CAST: variants seen among roughly 807,000 people sequenced by gnomAD.
CAST encodes calpastatin.
Under a neutral mutation model 119.6 loss-of-function variants are expected in CAST, and 76 were observed. The observed-to-expected ratio is 0.64, with a 90% CI of 0.53 to 0.77. The LOEUF is 0.77. Ranked by LOEUF, CAST falls within the 30% of genes least tolerant of loss-of-function variation. The probability of loss-of-function intolerance (pLI) is 0.00; values close to 1 mark genes in which losing one functional copy is unlikely to be tolerated. For synonymous variants in CAST, 319 were observed against 331.6 expected, an observed-to-expected ratio of 0.96 and a Z score of 0.41; for missense variants, 953 against 946.5, an observed-to-expected ratio of 1.01 and a Z score of -0.09.
the CAST span, among the ~76,000 whole-genome samples, chr5:96,235,152 C>G: frequency 6.6e-6 from 1 of 152,130 alleles, no homozygotes; most frequent in African/African-American, 2.4e-5. Context: ...TGGTGGACCC[C>G]AGGAGAGCTT....
the CAST span, chr5:96,423,208 GGGA>G: frequency 8.9e-7 from 1 of 1,119,346 alleles, no homozygotes; most frequent in Non-Finnish European, 1.3e-6. Flanking sequence ...CATAATCCCA[GGGA>G]CTGACACCAG....
chr5:96,519,561 A>G, the CAST span, among the ~76,000 whole-genome samples: 3 of 152,328 alleles, frequency 2.0e-5, no homozygotes, highest in South Asian at 2.1e-4. Context: ...TAGCAAATGC[A>G]TAGAATTTCA....
At chr5:96,060,261 A>G in the CAST span, among the ~76,000 whole-genome samples, 1 of 152,082 alleles carries the variant, frequency 6.6e-6, no homozygotes, top group Admixed American at 6.6e-5. Context: ...CACCACCTGG[A>G]TTTTCTGTAG....
chr5:96,721,068 T>C (rs1412469507), intron 3 of CAST, among the ~76,000 whole-genome samples: 2 of 152,202 alleles, frequency 1.3e-5, no homozygotes, highest in East Asian at 3.8e-4. Flanking sequence ...TGGATATTCA[T>C]ATATTTATCC....
the CAST span, among the ~76,000 whole-genome samples, chr5:96,481,621 A>T: frequency 1.3e-5 from 2 of 152,340 alleles, no homozygotes; most frequent in South Asian, 4.1e-4. Context: ...GGAGCAAAGC[A>T]TCTTTTCTCA....
chr5:96,746,777 G>A (rs970375404), intron 17 of CAST, among the ~76,000 whole-genome samples: 3 of 152,208 alleles, frequency 2.0e-5, no homozygotes, highest in Admixed American at 1.3e-4. Context: ...CTTCTGAGGG[G>A]TAGATATGAA....
the CAST span, among the ~76,000 whole-genome samples, chr5:96,166,677 A>G: frequency 0.016 from 2,434 of 152,312 alleles, 52 homozygotes; most frequent in African/African-American, 0.055. Context: ...TAGATAATCA[A>G]TTGAAGCATA....
upstream of CAST, among the ~76,000 whole-genome samples, chr5:96,524,793 G>C (rs1745573523): frequency 1.3e-5 from 2 of 152,184 alleles, no homozygotes; most frequent in African/African-American, 4.8e-5. Flanking sequence ...GCAGACAGAA[G>C]CTTAGGGAGA....
chr5:96,266,846 T>C, the CAST span, among the ~76,000 whole-genome samples: 122 of 152,258 alleles, frequency 8.0e-4, 1 homozygote, highest in African/African-American at 2.8e-3. Flanking sequence ...CTGACCACAA[T>C]GAGATGGCAA....
chr5:96,315,329 C>T, the CAST span, among the ~76,000 whole-genome samples: 354 of 152,258 alleles, frequency 2.3e-3, no homozygotes, highest in Non-Finnish European at 3.8e-3. Context: ...TATATGACAA[C>T]CGTAGCCAAA....
chr5:96,443,091 C>T, the CAST span, among the ~76,000 whole-genome samples: 2 of 152,064 alleles, frequency 1.3e-5, no homozygotes, highest in Non-Finnish European at 2.9e-5. Context: ...AGAGTAATGA[C>T]TCAATGAAAA....
At chr5:96,446,973 C>T in the CAST span, among the ~76,000 whole-genome samples, 1 of 152,154 alleles carries the variant, frequency 6.6e-6, no homozygotes, top group South Asian at 2.1e-4. Context: ...CCTAAGTACT[C>T]AACAAACAGA....
At chr5:96,392,221 T>C in the CAST span, 5 of 152,006 alleles carry the variant, frequency 3.3e-5, no homozygotes, top group South Asian at 4.2e-4. Context: ...TCCCAACATT[T>C]ATTTTGTGGC....
At chr5:96,376,437 A>T in the CAST span, among the ~76,000 whole-genome samples, 8 of 144,804 alleles carry the variant, frequency 5.5e-5, no homozygotes, top group Admixed American at 2.1e-4. Flanking sequence ...AATTATTTCT[A>T]TTTTTTTTTT....
intron 3 of CAST, among the ~76,000 whole-genome samples, chr5:96,704,336 C>T (rs1295963547): frequency 6.6e-6 from 1 of 152,026 alleles, no homozygotes; most frequent in South Asian, 2.1e-4. Context: ...TATTCTCTGG[C>T]AGAATTGACT....
At chr5:96,396,911 T>G in the CAST span, among the ~76,000 whole-genome samples, 1 of 152,234 alleles carries the variant, frequency 6.6e-6, no homozygotes, top group South Asian at 2.1e-4. Context: ...TTAAGCTACA[T>G]CTAAATAGCT....
At chr5:96,277,930 T>C in the CAST span, among the ~76,000 whole-genome samples, 11 of 152,184 alleles carry the variant, frequency 7.2e-5, no homozygotes, top group Non-Finnish European at 1.2e-4. Context: ...GGGCAGGTAA[T>C]GTAATAAGAA....
intron 11 of CAST, among the ~76,000 whole-genome samples, chr5:96,739,207 A>G (rs1018606137): frequency 2.6e-5 from 4 of 152,192 alleles, no homozygotes; most frequent in African/African-American, 7.2e-5. Context: ...TAGTTTTCCT[A>G]TAGCTGGTGG....
the CAST span, among the ~76,000 whole-genome samples, chr5:96,100,924 A>G: frequency 4.6e-5 from 7 of 152,050 alleles, no homozygotes; most frequent in South Asian, 4.1e-4. Context: ...GTGTGTGTGT[A>G]TATATATATG....
Sources: allele counts gnomAD v4.1 joint callset (sites outside exome capture counted in the v4.1 genomes callset), GRCh38; gene constraint gnomAD v4.1.1; transcripts MANE v1.5; gene names NCBI Gene and HGNC (gene_info 2026-07-23, HGNC 2026-07-21).